Variants in SLC16A7 observed in about 807,000 individuals in gnomAD.
The protein encoded by SLC16A7 is monocarboxylate transporter 2.
In SLC16A7, 33 loss-of-function variants were observed where a neutral mutation model predicts 34.9. That is an observed-to-expected ratio of 0.94 (90% confidence interval 0.72 to 1.26). The LOEUF is 1.26. Ranked by LOEUF, SLC16A7 falls within the 50% of genes most tolerant of loss-of-function variation. SLC16A7 has a pLI of 0.00. For missense variants in SLC16A7, 573 were observed against 578.1 expected (o/e 0.99, Z 0.09); for synonymous variants, 201 against 206.6 (o/e 0.97, Z 0.23).
intron 2 of SLC16A7, among the ~76,000 whole-genome samples, chr12:59,691,117 A>C (rs974718245): frequency 2.0e-5 from 3 of 152,068 alleles, no homozygotes; most frequent in Non-Finnish European, 2.9e-5. Context: ...ATTTCAAAAT[A>C]TATAAATCAT....
At chr12:59,660,725 A>G (rs1592446504) in intron 2 of SLC16A7, among the ~76,000 whole-genome samples, 1 of 152,032 alleles carries the variant, frequency 6.6e-6, no homozygotes, top group Non-Finnish European at 1.5e-5. Flanking sequence ...GAAAAATACA[A>G]TAAAATAAAC....
chr12:59,690,187 C>T (rs1034000313), intron 2 of SLC16A7, among the ~76,000 whole-genome samples: 1 of 151,954 alleles, frequency 6.6e-6, no homozygotes, highest in Admixed American at 6.6e-5. Flanking sequence ...AAAGACTGCA[C>T]ACATGGTAAC....
At chr12:59,707,517 A>G (rs1873727092) in intron 3 of SLC16A7, among the ~76,000 whole-genome samples, 1 of 151,956 alleles carries the variant, frequency 6.6e-6, no homozygotes, top group Non-Finnish European at 1.5e-5. Context: ...TTATTTTTCT[A>G]TTTTAATATA....
chr12:59,692,028 A>G (rs1871721225), intron 2 of SLC16A7, among the ~76,000 whole-genome samples: 1 of 151,978 alleles, frequency 6.6e-6, no homozygotes, highest in African/African-American at 2.4e-5. Context: ...ATATTCTTAC[A>G]TTTCTAGACA....
intron 3 of SLC16A7, among the ~76,000 whole-genome samples, chr12:59,747,271 T>C (rs971837343): frequency 6.6e-6 from 1 of 152,234 alleles, no homozygotes; most frequent in African/African-American, 2.4e-5. Context: ...GTTTTACAAT[T>C]ATTAGACTAT....
chr12:59,709,635 T>C (rs1873989705), intron 3 of SLC16A7, among the ~76,000 whole-genome samples: 1 of 151,648 alleles, frequency 6.6e-6, no homozygotes, highest in African/African-American at 2.4e-5. Flanking sequence ...AGAGCTTTCA[T>C]CTTAGATTTA....
Position 59,704,800 on chromosome 12 carries a change from AAATGCCACCAAT to A in SLC16A7, c.-1_11del. ...ACTTGAATTTCCACTAGAGGAGCAG[AAATGCCACCAAT>A]GCCAAGTGCCCCACCTGTGCATCCA... On this transcript the variant is annotated start_lost and 5_prime_UTR_variant, in exon 3 of 6. Coordinates refer to ENST00000547379, the MANE Select transcript of SLC16A7 (RefSeq NM_001270623.2). 1 of 1,610,214 alleles carries A rather than the reference AAATGCCACCAAT, an allele frequency of 6.2e-7. No homozygotes were observed. Among genetic ancestry groups the A allele is most frequent in the Non-Finnish European group, 8.5e-7 (1 of 1,177,084 alleles).
intron 3 of SLC16A7, chr12:59,761,181 A>C: frequency 1.6e-6 from 2 of 1,279,400 alleles, no homozygotes; most frequent in Non-Finnish European, 2.0e-6. Flanking sequence ...GTGCAGCTTT[A>C]CTCAATCAGG....
At chr12:59,683,724 A>G (rs1236944388) in intron 2 of SLC16A7, among the ~76,000 whole-genome samples, 1 of 152,208 alleles carries the variant, frequency 6.6e-6, no homozygotes, top group Non-Finnish European at 1.5e-5. Context: ...TAAAAGTGGT[A>G]ACTGAATCTA....
At chr12:59,766,732 C>G (rs1354192365) in intron 3 of SLC16A7, among the ~76,000 whole-genome samples, 3 of 152,100 alleles carry the variant, frequency 2.0e-5, no homozygotes, top group Non-Finnish European at 4.4e-5. Context: ...ATTCGTTTTG[C>G]CAGTATTTTA....
intron 3 of SLC16A7, among the ~76,000 whole-genome samples, chr12:59,718,987 A>G (rs1456299703): frequency 6.6e-6 from 1 of 152,118 alleles, no homozygotes; most frequent in Non-Finnish European, 1.5e-5. Flanking sequence ...GTCTTTTTCA[A>G]TGCACTAGAG....
chr12:59,637,085 G>A lies in SLC16A7; in HGVS notation c.-129-18067G>A, dbSNP rs983070586. On this transcript the variant is annotated intron_variant, in intron 1 of 5. Transcript: ENST00000547379. ...GTCACATGATTCAAATGTAAATCTA[G>A]CTTTCTGCTCTGGCTTAGTAGAAAG... Among the ~76,000 whole-genome samples the A allele has an allele frequency of 1.2e-4, 19 of 152,200 alleles. No homozygotes were observed. The East Asian group carries it at 3.7e-3, about 30-fold the overall frequency.
chr12:59,756,006 A>G (rs369601177), intron 3 of SLC16A7, among the ~76,000 whole-genome samples: 1 of 152,248 alleles, frequency 6.6e-6, no homozygotes, highest in African/African-American at 2.4e-5. Flanking sequence ...AGCAATGGGG[A>G]AAGGATTCCC....
At position 59,700,102 on chromosome 12, in the gene SLC16A7, G is replaced by GTC. The variant is rs964343673; in HGVS notation, c.-30-4669_-30-4668insCT. The stretch of plus-strand genomic sequence containing the variant: ...GACATGAGTTACAGCGCTATTCGCT[G>GTC]TAAGTTCAATGTCAGTGAATCAGCA... On this transcript the variant is annotated intron_variant, in intron 2 of 5. Transcript: ENST00000547379. 3.5e-4 allele frequency among the ~76,000 whole-genome samples: 53 copies of GTC among 151,780 alleles called. 2 individuals are homozygous for GTC. Among genetic ancestry groups the GTC allele is most frequent in the Admixed American group, 1.1e-3 (17 of 15,190 alleles).
chr12:59,691,382 C>G (rs1351143655), intron 2 of SLC16A7, among the ~76,000 whole-genome samples: 1 of 151,970 alleles, frequency 6.6e-6, no homozygotes, highest in Non-Finnish European at 1.5e-5. Flanking sequence ...AAAATAACAT[C>G]AGCTATTGAT....
intron 1 of SLC16A7, among the ~76,000 whole-genome samples, chr12:59,654,614 G>C (rs1490170450): frequency 6.6e-6 from 1 of 151,576 alleles, no homozygotes; most frequent in Non-Finnish European, 1.5e-5. Context: ...TTTTAATTAA[G>C]ACATTAATGT....
chr12:59,708,170 T>C (rs1009722540), intron 3 of SLC16A7, among the ~76,000 whole-genome samples: 8 of 152,126 alleles, frequency 5.3e-5, no homozygotes, highest in African/African-American at 1.9e-4. Flanking sequence ...AAAAGTCTGA[T>C]ATAGTCAGTT....
rs781764324 is a variant in SLC16A7, at chr12:59,786,696, T to A, written c.*7017T>A. ...GATAGGTATCCACATTTTTACCATA[T>A]AAAACTAGACTGGATTAAGGATTTT... On this transcript the variant is annotated 3_prime_UTR_variant, in exon 6 of 6. Coordinates refer to ENST00000547379, the MANE Select transcript of SLC16A7 (RefSeq NM_001270623.2). 2.3e-4 allele frequency: 35 copies of A among 152,146 alleles called. No individual in the cohort carries two copies. The highest frequency in any genetic ancestry group is 4.1e-4 in the Non-Finnish European group (28 of 68,012). 9.4% of individuals were successfully genotyped at this position (152,146 alleles called of 1,614,324 possible). A position where few individuals can be genotyped will look rare whatever the true frequency, so the allele number is the denominator to read the frequency against.
chr12:59,651,924 CTG>C, intron 1 of SLC16A7, among the ~76,000 whole-genome samples: 1 of 152,162 alleles, frequency 6.6e-6, no homozygotes, highest in Admixed American at 6.6e-5. Flanking sequence ...ATGCTAACTA[CTG>C]TCATAAGGTA....
Sources: gnomAD v4.1 joint callset for allele counts (sites outside exome capture counted in the v4.1 genomes callset) on GRCh38, gnomAD v4.1.1 for gene constraint, MANE v1.5 for transcripts, NCBI Gene and HGNC (gene_info 2026-07-23, HGNC 2026-07-21) for gene names.